The following DNAH8 variants were observed in gnomAD, a reference collection of about 807,000 sequenced individuals.
The protein encoded by DNAH8 is dynein axonemal heavy chain 8.
A neutral mutation model predicts 562.1 loss-of-function variants in DNAH8; 382 were observed. The observed-to-expected ratio is 0.68, with a 90% confidence interval of 0.63 to 0.74. The LOEUF (loss-of-function observed/expected upper bound fraction) is 0.74. Among genes scored for constraint, DNAH8 ranks in the 30% least tolerant of loss-of-function variants. The pLI is 0.00. For synonymous variants in DNAH8, 1,881 were observed against 1,919.4 expected (o/e 0.98, Z 0.52); for missense variants, 5,203 against 5,620.4 (o/e 0.93, Z 2.37).
chr6:38,852,941 A>G, intron 40 of DNAH8, 143 bp downstream of exon 40: 2 of 723,084 alleles, frequency 2.8e-6, no homozygotes, highest in East Asian at 5.4e-5. Context: ...ACTAGTTTAG[A>G]TAAATCCTTT....
chr6:38,813,076 C>T (rs1037014497), intron 24 of DNAH8, among the ~76,000 whole-genome samples: 6 of 152,052 alleles, frequency 3.9e-5, no homozygotes, highest in Admixed American at 1.3e-4. Context: ...TGGAGAATAC[C>T]TTCAGCTGAT....
intron 89 of DNAH8, among the ~76,000 whole-genome samples, chr6:39,011,189 C>A (rs2150771124): frequency 6.6e-6 from 1 of 152,154 alleles, no homozygotes; most frequent in Middle Eastern, 3.4e-3. Context: ...CAGAGGTGTC[C>A]CTTGCTGAAA....
At chr6:38,744,855 C>A (rs1362801961) in intron 8 of DNAH8, among the ~76,000 whole-genome samples, 1 of 152,172 alleles carries the variant, frequency 6.6e-6, no homozygotes, top group East Asian at 1.9e-4. Flanking sequence ...GCCTCACACT[C>A]CCAAAGTGTT....
At chr6:39,009,651 C>A (rs1262510176) in intron 89 of DNAH8, among the ~76,000 whole-genome samples, 2 of 152,094 alleles carry the variant, frequency 1.3e-5, no homozygotes, top group Non-Finnish European at 1.5e-5. Context: ...AGGACAGCAC[C>A]AGCAGAAATC....
intron 8 of DNAH8, among the ~76,000 whole-genome samples, chr6:38,748,053 A>G (rs903751513): frequency 6.6e-6 from 1 of 152,038 alleles, no homozygotes; most frequent in African/African-American, 2.4e-5. Context: ...CGACATTTGG[A>G]TTGTTTCTAG....
chr6:38,816,096 C>T (rs1583080590), intron 26 of DNAH8, among the ~76,000 whole-genome samples: 1 of 149,356 alleles, frequency 6.7e-6, no homozygotes, highest in Admixed American at 6.7e-5. Flanking sequence ...TATTTTAGTT[C>T]TAGGGTACAT....
rs777111315 is a variant in DNAH8, at chr6:38,780,027, C to A, written c.2101C>A (p.Leu701Ile). 3.1e-6 allele frequency: 5 copies of A among 1,613,910 alleles called. No individual in the cohort carries two copies. The East Asian group carries it at 1.1e-4, about 36-fold the overall frequency. The change falls in exon 15 of 93, where the codon CTT (leucine) becomes ATT (isoleucine). Residue 701 changes from leucine (L) to isoleucine (I), a missense_variant. Coordinates refer to ENST00000327475, the MANE Select transcript of DNAH8 (RefSeq NM_001206927.2). ...LEINHTIERI[L>I]QYYVAELDAT... is the part of the protein sequence containing the mutation. Reference sequence around the variant, plus strand: ...AATAAACCACACAATAGAGCGTATTCTTCAGTACTATGTGGCTGAACTTGA... The same window carrying A: ...AATAAACCACACAATAGAGCGTATTATTCAGTACTATGTGGCTGAACTTGA...
At chr6:38,808,857 G>A (rs906478475) in intron 24 of DNAH8, among the ~76,000 whole-genome samples, 9 of 152,138 alleles carry the variant, frequency 5.9e-5, no homozygotes, top group African/African-American at 9.6e-5. Context: ...ACCAAACACC[G>A]CATGTTCTCA....
At chr6:38,928,504 A>G (rs536369857) in intron 74 of DNAH8, among the ~76,000 whole-genome samples, 1 of 152,328 alleles carries the variant, frequency 6.6e-6, no homozygotes, top group South Asian at 2.1e-4. Context: ...AAAGAAAGCT[A>G]TTCATCCAGG....
At position 38,826,256 on chromosome 6, in the gene DNAH8, A is replaced by G. The variant is rs1180095292; in HGVS notation, c.3948A>G (p.Ile1316Met). The change falls in exon 29 of 93, where the codon ATA (isoleucine) becomes ATG (methionine). Residue 1316 changes from isoleucine to methionine, a missense_variant. Ile to Met is a conservative substitution (Grantham distance 10). Transcript: ENST00000327475. ...EEYKKKMSYM[I>M]AFINEYLKKL... ...ACAAAAAGAAAATGTCATACATGAT[A>G]GCATTTATTAATGAATACTTGAAAA... The G allele has an allele frequency of 1.2e-6, 2 of 1,613,322 alleles. No homozygotes were observed. The highest frequency in any genetic ancestry group is 1.7e-6 in the Non-Finnish European group (2 of 1,179,426).
intron 8 of DNAH8, among the ~76,000 whole-genome samples, chr6:38,743,832 C>T (rs1764713708): frequency 6.6e-6 from 1 of 152,126 alleles, no homozygotes; most frequent in South Asian, 2.1e-4. Flanking sequence ...TATGAACATT[C>T]ATGTACTGTA....
intron 70 of DNAH8, among the ~76,000 whole-genome samples, chr6:38,919,436 G>A (rs185104451): frequency 1.9e-4 from 29 of 151,990 alleles, no homozygotes; most frequent in African/African-American, 6.5e-4. Context: ...TTTAACAAGG[G>A]GCCCCACATT....
At chr6:38,741,672 T>C in intron 7 of DNAH8, 39 bp from the exon 8 acceptor site, 2 of 1,510,684 alleles carry the variant, frequency 1.3e-6, no homozygotes, top group South Asian at 2.5e-5. Flanking sequence ...CAAAGAAGAA[T>C]GTAACATTTC....
chr6:39,007,952 CA>C (rs1765903414), intron 88 of DNAH8, among the ~76,000 whole-genome samples: 1 of 90,576 alleles, frequency 1.1e-5, no homozygotes. Flanking sequence ...CCCACCCACA[CA>C]CACACACACA....
Position 38,874,076 on chromosome 6 carries a change from C to CTT in DNAH8, c.7620+702_7620+703dup, listed in dbSNP as rs71746049. The stretch of plus-strand genomic sequence containing the variant: ...TTTCTTTCTTTCTTTCTTTTTCTTT[C>CTT]TTTCTTTCTTTCTTTCTTTCTCTTT... On this transcript the variant is annotated intron_variant, in intron 52 of 92. Coordinates refer to ENST00000327475, the MANE Select transcript of DNAH8 (RefSeq NM_001206927.2). 1.1e-4 allele frequency among the ~76,000 whole-genome samples: 8 copies of CTT among 73,710 alleles called. 2 individuals carry two copies. Among genetic ancestry groups the CTT allele is most frequent in the African/African-American group, 3.6e-4 (8 of 22,100 alleles). The allele number at this position is 73,710 out of a possible 152,430, so 48.4% of individuals were successfully genotyped here.
At chr6:38,881,934 T>C (rs948217896) in intron 53 of DNAH8, among the ~76,000 whole-genome samples, 8 of 152,194 alleles carry the variant, frequency 5.3e-5, no homozygotes, top group South Asian at 2.1e-4. Context: ...TTTCAGTTGA[T>C]GTGGCTTTTC....
Position 38,715,945 on chromosome 6 carries a change from TATATA to T in DNAH8, c.-35+531_-35+535del, listed in dbSNP as rs1762278138. On this transcript the variant is annotated intron_variant, in intron 1 of 92. Coordinates refer to ENST00000327475, the MANE Select transcript of DNAH8 (RefSeq NM_001206927.2). ...AAATAAATATATATATATATATATA[TATATA>T]TATATATATATTTTTTTTTTTTTTT... Among the ~76,000 whole-genome samples, 20 of 20,888 alleles carry T rather than the reference TATATA, an allele frequency of 9.6e-4. 1 individual carries two copies. The highest frequency in any genetic ancestry group is 4.2e-3 in the South Asian group (2 of 476). 13.7% of individuals were successfully genotyped at this position (20,888 alleles called of 152,430 possible).
At chr6:38,847,758 C>G (rs1775411300) in intron 36 of DNAH8, among the ~76,000 whole-genome samples, 1 of 152,212 alleles carries the variant, frequency 6.6e-6, no homozygotes, top group African/African-American at 2.4e-5. Flanking sequence ...TTGCTACACA[C>G]TGCAGTCGGC....
chr6:38,935,762 T>C lies in DNAH8; in HGVS notation c.11563+65T>C. On this transcript the variant is annotated intron_variant, in intron 77 of 92. Coordinates refer to ENST00000327475, the MANE Select transcript of DNAH8 (RefSeq NM_001206927.2). ...AATAAGGATTTCATTTACACTCTTT[T>C]CAATGCCCTCATGACTATAGATGTT... 5 of 1,183,608 alleles carry C rather than the reference T, an allele frequency of 4.2e-6. No individual in the cohort carries two copies. The South Asian group carries it at 5.4e-5, about 13-fold the overall frequency. The allele number at this position is 1,183,608 out of a possible 1,614,324, so 73.3% of individuals were successfully genotyped here.
Sources: allele counts gnomAD v4.1 joint callset (sites outside exome capture counted in the v4.1 genomes callset), GRCh38; gene constraint gnomAD v4.1.1; transcripts MANE v1.5; gene names NCBI Gene and HGNC (gene_info 2026-07-23, HGNC 2026-07-21).